GABBR2: variants seen among roughly 807,000 people sequenced by gnomAD.
The protein encoded by GABBR2 is G-protein coupled receptor 51.
In GABBR2, 23 loss-of-function variants were observed where a neutral mutation model predicts 105.6. The observed-to-expected ratio is 0.22, with a 90% CI of 0.16 to 0.31. The LOEUF (loss-of-function observed/expected upper bound fraction) is 0.31. GABBR2 is among the 10% of genes least tolerant of loss of function. The pLI is 1.00. For missense variants in GABBR2, 734 were observed against 1,245.5 expected (o/e 0.59, Z 6.18); for synonymous variants, 478 against 499.7 (o/e 0.96, Z 0.58).
At chr9:98,553,464 A>C (rs1828528274) in intron 2 of GABBR2, among the ~76,000 whole-genome samples, 2 of 151,868 alleles carry the variant, frequency 1.3e-5, no homozygotes, top group African/African-American at 4.8e-5. Context: ...TTGTGGTTCG[A>C]GTTTGTGGTC....
At chr9:98,664,715 G>A (rs1280393984) in intron 1 of GABBR2, among the ~76,000 whole-genome samples, 2 of 152,136 alleles carry the variant, frequency 1.3e-5, no homozygotes, top group Admixed American at 6.5e-5. Context: ...GCTGGACACT[G>A]AGTCAGATAC....
At chr9:98,538,171 A>G (rs928558871) in intron 3 of GABBR2, among the ~76,000 whole-genome samples, 26 of 152,356 alleles carry the variant, frequency 1.7e-4, no homozygotes, top group African/African-American at 6.3e-4. Flanking sequence ...CATCTTCAGT[A>G]CCTGCAAGGT....
intron 1 of GABBR2, among the ~76,000 whole-genome samples, chr9:98,683,650 G>C (rs1046846119): frequency 6.6e-6 from 1 of 151,808 alleles, no homozygotes; most frequent in Non-Finnish European, 1.5e-5. Context: ...GGCTGAATGC[G>C]GCACCCTTGT....
intron 7 of GABBR2, among the ~76,000 whole-genome samples, chr9:98,447,537 ATGTGTGTG>A (rs58069151): frequency 0.079 from 11,261 of 142,390 alleles, 452 homozygotes; most frequent in Non-Finnish European, 0.083. Context: ...ACTAGTATGT[ATGTGTGTG>A]TGTGTGTGTG....
At chr9:98,491,929 C>A (rs1274463736) in intron 4 of GABBR2, among the ~76,000 whole-genome samples, 1 of 152,086 alleles carries the variant, frequency 6.6e-6, no homozygotes, top group African/African-American at 2.4e-5. Flanking sequence ...TCGCTTTTGG[C>A]TGGTTGACAT....
chr9:98,568,851 T>C (rs1468110849), intron 2 of GABBR2, among the ~76,000 whole-genome samples: 4 of 152,184 alleles, frequency 2.6e-5, no homozygotes, highest in Non-Finnish European at 1.5e-5. Flanking sequence ...ACCTCATGTG[T>C]GACATGCTGC....
intron 2 of GABBR2, among the ~76,000 whole-genome samples, chr9:98,554,068 C>T (rs1008016605): frequency 3.3e-5 from 5 of 152,250 alleles, no homozygotes; most frequent in East Asian, 1.9e-4. Context: ...TACTCAAAGC[C>T]GCATGTTAAC....
chr9:98,576,044 G>A (rs1419084649), intron 2 of GABBR2, among the ~76,000 whole-genome samples: 1 of 152,158 alleles, frequency 6.6e-6, no homozygotes, highest in Non-Finnish European at 1.5e-5. Context: ...TAAGTGAGGG[G>A]CCCTCGCCCG....
chr9:98,563,455 A>C (rs1212784793), intron 2 of GABBR2, among the ~76,000 whole-genome samples: 1 of 151,992 alleles, frequency 6.6e-6, no homozygotes, highest in East Asian at 1.9e-4. Context: ...AACGCTTCCC[A>C]AACAAGTGGT....
intron 13 of GABBR2, among the ~76,000 whole-genome samples, chr9:98,357,662 A>G (rs1008461847): frequency 1.7e-5 from 2 of 120,338 alleles, no homozygotes; most frequent in Non-Finnish European, 3.5e-5. Flanking sequence ...AAAACAGACA[A>G]ACAAACAAAA....
chr9:98,635,242 C>A lies in GABBR2; in HGVS notation c.322-57170G>T, dbSNP rs563083907. On this transcript the variant is annotated intron_variant, in intron 1 of 18. Coordinates refer to ENST00000259455, the MANE Select transcript of GABBR2 (RefSeq NM_005458.8). Reference sequence around the variant, plus strand: ...CACAAAACTGGCACACCCAGAACTTCTAGCAACCACAGGGCATTTGGGGAC... The same window carrying A: ...CACAAAACTGGCACACCCAGAACTTATAGCAACCACAGGGCATTTGGGGAC... Among the ~76,000 whole-genome samples, 3 of 152,224 alleles carry A rather than the reference C, an allele frequency of 2.0e-5. No homozygotes were observed. The South Asian group carries it at 6.2e-4, about 32-fold the overall frequency.
intron 1 of GABBR2, among the ~76,000 whole-genome samples, chr9:98,631,321 C>G (rs1288416990): frequency 6.6e-6 from 1 of 152,206 alleles, no homozygotes; most frequent in African/African-American, 2.4e-5. Flanking sequence ...ACTAACCTTC[C>G]TAAGCCTCAG....
intron 1 of GABBR2, chr9:98,707,590 C>G (rs532176414): frequency 6.6e-6 from 1 of 152,592 alleles, no homozygotes; most frequent in East Asian, 1.9e-4. Flanking sequence ...CTCTCTGGCT[C>G]CGCTCCGGAC....
intron 1 of GABBR2, among the ~76,000 whole-genome samples, chr9:98,636,586 TG>T (rs1274771851): frequency 7.2e-6 from 1 of 138,836 alleles, no homozygotes; most frequent in Non-Finnish European, 1.5e-5. Flanking sequence ...CCCCACCTCC[TG>T]GGTTCAAGCA....
rs1564052293 is a variant in GABBR2 at position 98,400,198 on chromosome 9, A to ATTTT, written c.1297+5882_1297+5883insAAAA. Among the ~76,000 whole-genome samples the ATTTT allele has an allele frequency of 1.2e-3, 184 of 148,946 alleles. 1 individual carries two copies. The highest frequency in any genetic ancestry group is 4.4e-3 in the African/African-American group (175 of 40,180). On this transcript the variant is annotated intron_variant, in intron 8 of 18. Coordinates refer to ENST00000259455, the MANE Select transcript of GABBR2 (RefSeq NM_005458.8). ...GGAGACCCTGCCTTTTTTTTTTTTA[A>ATTTT]AAAAAAAAGAAAAAAAGAAAAGAAA...
intron 4 of GABBR2, among the ~76,000 whole-genome samples, chr9:98,492,848 C>A (rs1163799440): frequency 2.6e-5 from 4 of 152,160 alleles, no homozygotes; most frequent in African/African-American, 9.7e-5. Flanking sequence ...CTTATCACTG[C>A]TGATGTTGAC....
intron 7 of GABBR2, among the ~76,000 whole-genome samples, chr9:98,423,187 A>G (rs1373909564): frequency 6.6e-6 from 1 of 152,226 alleles, no homozygotes; most frequent in African/African-American, 2.4e-5. Flanking sequence ...GAATCGCCGC[A>G]CTGACTTCCA....
chr9:98,543,065 A>T (rs1828334509), intron 2 of GABBR2, among the ~76,000 whole-genome samples: 1 of 152,150 alleles, frequency 6.6e-6, no homozygotes, highest in African/African-American at 2.4e-5. Flanking sequence ...TCGATAGTCA[A>T]AGCTGTCCAT....
intron 1 of GABBR2, among the ~76,000 whole-genome samples, chr9:98,634,268 G>A (rs929792500): frequency 8.5e-5 from 13 of 152,172 alleles, no homozygotes; most frequent in African/African-American, 2.9e-4. Context: ...ATGTGAGCCC[G>A]CTGCATGGGT....
Sources: allele counts gnomAD v4.1 joint callset (sites outside exome capture counted in the v4.1 genomes callset), GRCh38; gene constraint gnomAD v4.1.1; transcripts MANE v1.5; gene names NCBI Gene and HGNC (gene_info 2026-07-23, HGNC 2026-07-21).